Variants in ATAD3A observed in about 807,000 individuals in gnomAD.
ATAD3A encodes the protein ATPase family AAA domain containing 3A.
A neutral mutation model predicts 73.8 loss-of-function variants in ATAD3A; 46 were observed. The ratio of observed to expected loss-of-function variants is 0.62; its 90% CI spans 0.49 to 0.80. ATAD3A has a LOEUF of 0.80. Ranked by LOEUF, ATAD3A falls within the 30% of genes least tolerant of loss-of-function variation. The pLI, the probability that ATAD3A is intolerant of heterozygous loss-of-function variation, is 0.00. For missense variants in ATAD3A, 705 were observed against 838.0 expected, an observed-to-expected ratio of 0.84 and a Z score of 1.96; for synonymous variants, 319 against 350.0, an observed-to-expected ratio of 0.91 and a Z score of 0.99.
At chr1:1,519,213 A>C (rs1334868105) in intron 5 of ATAD3A, among the ~76,000 whole-genome samples, 4 of 146,144 alleles carry the variant, frequency 2.7e-5, no homozygotes, top group Admixed American at 2.7e-4. Context: ...GCTTCACTTC[A>C]TGGGAAGTAC....
Position 1,530,794 on chromosome 1 carries a change from A to G in ATAD3A, c.1614+1463A>G, listed in dbSNP as rs1191371674. Among the ~76,000 whole-genome samples, 2 of 100,780 alleles carry G rather than the reference A, an allele frequency of 2.0e-5. 1 individual carries two copies. Among genetic ancestry groups the G allele is most frequent in the East Asian group, 7.7e-4 (2 of 2,592 alleles). The allele number at this position is 100,780 out of a possible 152,430, so 66.1% of individuals were successfully genotyped here. On this transcript the variant is annotated intron_variant, in intron 15 of 15. Transcript: ENST00000378756. ...CAGTGAGCCGAGATCCCGCCACTGC[A>G]CTCCAGCCTGGGCGACAGAGCGAGA...
Position 1,530,653 on chromosome 1 carries a change from C to T in ATAD3A, c.1614+1322C>T, listed in dbSNP as rs113152050. Among the ~76,000 whole-genome samples, 11 of 123,002 alleles carry T rather than the reference C, an allele frequency of 8.9e-5. 3 individuals are homozygous for T. The highest frequency in any genetic ancestry group is 5.5e-4 in the African/African-American group (11 of 19,892). 80.7% of individuals were successfully genotyped at this position (123,002 alleles called of 152,430 possible). On this transcript the variant is annotated intron_variant, in intron 15 of 15. Transcript: ENST00000378756. Reference sequence around the variant, plus strand: ...GACCATCCCGGCTAAAACGGTGAAACCCCGTCTCTACTAAAAATACAAAAA... The same window carrying T: ...GACCATCCCGGCTAAAACGGTGAAATCCCGTCTCTACTAAAAATACAAAAA...
At chr1:1,521,586 C>T (rs374620011) in intron 7 of ATAD3A, among the ~76,000 whole-genome samples, 2 of 152,228 alleles carry the variant, frequency 1.3e-5, no homozygotes, top group African/African-American at 4.8e-5. Flanking sequence ...GTGACTGCAG[C>T]GCCTGCCGGT....
At position 1,527,738 on chromosome 1, in the gene ATAD3A, T is replaced by C. The variant is rs143878754; in HGVS notation, c.1381T>C (p.Trp461Arg). ...LASNQPEQFD[W>R]AINDRINEMV... ...CAGCAACCAACCAGAGCAGTTCGAC[T>C]GGGCCATCAATGACCGCATCAATGA... Residue 461 changes from tryptophan (W) to arginine (R), a missense_variant, in exon 14 of 16, where the codon TGG becomes CGG. By Grantham distance (101) the Trp-to-Arg change is moderately radical. Transcript: ENST00000378756. 30 of 1,613,740 alleles carry C rather than the reference T, an allele frequency of 1.9e-5. No homozygotes were observed. The highest frequency in any genetic ancestry group is 2.5e-5 in the Non-Finnish European group (30 of 1,179,920).
rs1641732122 is a variant in ATAD3A, at chr1:1,524,486, C to T, written c.1214+89C>T. The T allele has an allele frequency of 7.1e-6, 9 of 1,264,482 alleles. No homozygotes were observed. The East Asian group carries it at 2.3e-4, about 32-fold the overall frequency. 78.3% of individuals were successfully genotyped at this position (1,264,482 alleles called of 1,614,324 possible). A position where few individuals can be genotyped will look rare whatever the true frequency, so the allele number is the denominator to read the frequency against. ...AGGGGGTCCAGGTGTCTCTTGGGGACCCTGTCTTTCTGCAGCTCTGTCCTT... is the reference window on the plus strand; with the variant it reads ...AGGGGGTCCAGGTGTCTCTTGGGGATCCTGTCTTTCTGCAGCTCTGTCCTT... On this transcript the variant is annotated intron_variant, in intron 11 of 15. Coordinates refer to ENST00000378756, the MANE Select transcript of ATAD3A (RefSeq NM_001170535.3).
Position 1,522,734 on chromosome 1 carries a change from T to C in ATAD3A, c.751-10T>C, listed in dbSNP as rs780627072. On this transcript the variant is annotated splice_polypyrimidine_tract_variant and intron_variant, in intron 7 of 15. Coordinates refer to ENST00000378756, the MANE Select transcript of ATAD3A (RefSeq NM_001170535.3). ...GGGGCCGGTGCGCCAGTGCGGTGTC[T>C]CTGCTGCAGGTGGCTGGGCTGACGC... The C allele has an allele frequency of 6.2e-7, 1 of 1,611,998 alleles. No homozygotes were observed. The highest frequency in any genetic ancestry group is 8.5e-7 in the Non-Finnish European group (1 of 1,179,654).
intron 5 of ATAD3A, among the ~76,000 whole-genome samples, chr1:1,519,938 T>G (rs2015387): frequency 6.6e-6 from 1 of 151,798 alleles, no homozygotes; most frequent in South Asian, 2.1e-4. Flanking sequence ...TGGGCCTGTC[T>G]GTGGCGTGGG....
chr1:1,512,703 G>C, intron 1 of ATAD3A: 1 of 1,246,776 alleles, frequency 8.0e-7, no homozygotes, highest in Non-Finnish European at 1.0e-6. Flanking sequence ...GCGGAAAGCG[G>C]TGCGGAGGTG....
intron 15 of ATAD3A, among the ~76,000 whole-genome samples, chr1:1,533,651 G>A (rs535019524): frequency 1.1e-4 from 16 of 152,200 alleles, no homozygotes; most frequent in South Asian, 6.2e-4. Flanking sequence ...GCCCTGGGTC[G>A]GCGGTCAGTG....
chr1:1,530,828 CAAAAAAAAAA>C (rs1174830616), intron 15 of ATAD3A, among the ~76,000 whole-genome samples: 3 of 13,436 alleles, frequency 2.2e-4, no homozygotes, highest in South Asian at 3.4e-3. Flanking sequence ...GACTCCGTCT[CAAAAAAAAAA>C]AAAAAAAAAA....
intron 14 of ATAD3A, 45 bp from the exon 15 acceptor site, chr1:1,529,178 G>T (rs1641950180): frequency 6.3e-7 from 1 of 1,599,442 alleles, no homozygotes; most frequent in Non-Finnish European, 8.5e-7. Context: ...CTCGTGTTGT[G>T]GGAGCTGCTG....
intron 15 of ATAD3A, among the ~76,000 whole-genome samples, chr1:1,532,266 T>G (rs1642056892): frequency 6.6e-6 from 1 of 152,174 alleles, no homozygotes; most frequent in Non-Finnish European, 1.5e-5. Flanking sequence ...TGTGGTGTCT[T>G]TGTCTGGCTT....
At chr1:1,517,998 C>T (rs1391836312) in intron 4 of ATAD3A, among the ~76,000 whole-genome samples, 1 of 151,964 alleles carries the variant, frequency 6.6e-6, no homozygotes. Flanking sequence ...CACCTACCCA[C>T]ACGGACACAC....
chr1:1,526,161 T>C (rs569888855), intron 12 of ATAD3A, among the ~76,000 whole-genome samples: 30 of 152,046 alleles, frequency 2.0e-4, no homozygotes, highest in African/African-American at 6.0e-4. Flanking sequence ...TAGCTGGGAC[T>C]ACAGGTGCGC....
At chr1:1,516,991 C>G (rs1413808732) in intron 2 of ATAD3A, 2 of 1,250,270 alleles carry the variant, frequency 1.6e-6, no homozygotes, top group Non-Finnish European at 1.1e-6. Context: ...GGATTATAAG[C>G]GAGAGCCGTC....
At chr1:1,515,315 G>C (rs1236881324) in intron 1 of ATAD3A, among the ~76,000 whole-genome samples, 1 of 152,118 alleles carries the variant, frequency 6.6e-6, no homozygotes, top group Non-Finnish European at 1.5e-5. Flanking sequence ...GGACTCAAGT[G>C]ATCCACCCGT....
chr1:1,513,169 A>T (rs376728538), intron 1 of ATAD3A, among the ~76,000 whole-genome samples: 1 of 152,232 alleles, frequency 6.6e-6, no homozygotes, highest in East Asian at 1.9e-4. Context: ...AATTTTAACC[A>T]TCAGGTTAGG....
intron 5 of ATAD3A, 84 bp downstream of exon 5, chr1:1,519,074 C>A: frequency 6.2e-7 from 1 of 1,608,726 alleles, no homozygotes; most frequent in Non-Finnish European, 8.5e-7. Context: ...TGAGTTCTGC[C>A]GCCCGGCCCC....
At chr1:1,514,909 C>T (rs1411642213) in intron 1 of ATAD3A, among the ~76,000 whole-genome samples, 19 of 152,090 alleles carry the variant, frequency 1.2e-4, no homozygotes, top group Admixed American at 7.9e-4. Context: ...AGTTGCCGTC[C>T]GTCGCCCAGG....
Sources: allele counts gnomAD v4.1 joint callset (sites outside exome capture counted in the v4.1 genomes callset), GRCh38; gene constraint gnomAD v4.1.1; transcripts MANE v1.5; gene names NCBI Gene and HGNC (gene_info 2026-07-23, HGNC 2026-07-21).